Variants in CYLD observed in about 807,000 individuals in gnomAD.
CYLD encodes CYLD lysine 63 deubiquitinase.
Under a neutral mutation model 104.5 loss-of-function variants are expected in CYLD, and 26 were observed. The ratio of observed to expected loss-of-function variants is 0.25; its 90% confidence interval spans 0.18 to 0.35. The LOEUF (loss-of-function observed/expected upper bound fraction) is 0.35. Among genes scored for constraint, CYLD ranks in the 10% least tolerant of loss-of-function variants. CYLD has a pLI of 1.00. For synonymous variants in CYLD, 385 were observed against 399.9 expected, an observed-to-expected ratio of 0.96 and a Z score of 0.45; for missense variants, 703 against 1,136.1, an observed-to-expected ratio of 0.62 and a Z score of 5.48.
intron 5 of CYLD, among the ~76,000 whole-genome samples, chr16:50,756,903 A>G (rs1967309145): frequency 6.6e-6 from 1 of 152,200 alleles, no homozygotes; most frequent in East Asian, 1.9e-4. Context: ...CTGATTAGAA[A>G]GCTGTGCTCT....
chr16:50,790,064 A>G (rs998152477), intron 14 of CYLD, among the ~76,000 whole-genome samples: 1 of 152,210 alleles, frequency 6.6e-6, no homozygotes, highest in African/African-American at 2.4e-5. Flanking sequence ...CCAGAAGGAG[A>G]TACTAGAGAG....
intron 5 of CYLD, among the ~76,000 whole-genome samples, chr16:50,765,621 A>G (rs1429632824): frequency 6.6e-6 from 1 of 152,236 alleles, no homozygotes; most frequent in Non-Finnish European, 1.5e-5. Flanking sequence ...ACCGAGAGAG[A>G]CTGAAAACTA....
At chr16:50,780,813 C>A (rs571526154) in intron 9 of CYLD, among the ~76,000 whole-genome samples, 3 of 152,092 alleles carry the variant, frequency 2.0e-5, no homozygotes, top group Non-Finnish European at 4.4e-5. Context: ...GCCACCACAC[C>A]TGGCCAATTT....
intron 12 of CYLD, chr16:50,785,613 A>T (rs1482303295): frequency 6.6e-6 from 1 of 152,188 alleles, no homozygotes; most frequent in African/African-American, 2.4e-5. Context: ...CCTCCTTCCT[A>T]GAAGAGAGGA....
At chr16:50,768,484 C>T (rs1029209743) in intron 5 of CYLD, among the ~76,000 whole-genome samples, 1 of 152,066 alleles carries the variant, frequency 6.6e-6, no homozygotes, top group African/African-American at 2.4e-5. Context: ...AGTTGAATGG[C>T]TGGGAAGCTT....
intron 5 of CYLD, among the ~76,000 whole-genome samples, chr16:50,760,182 A>C (rs750332423): frequency 6.6e-6 from 1 of 152,202 alleles, no homozygotes; most frequent in Non-Finnish European, 1.5e-5. Flanking sequence ...TGTGCATCTA[A>C]TTAACTAGAG....
chr16:50,743,423 A>G (rs532586738), intron 2 of CYLD, among the ~76,000 whole-genome samples: 1 of 152,326 alleles, frequency 6.6e-6, no homozygotes, highest in East Asian at 1.9e-4. Flanking sequence ...CACCCAGAAC[A>G]TTCTCTAATA....
intron 4 of CYLD, among the ~76,000 whole-genome samples, chr16:50,752,745 C>T (rs1330149485): frequency 6.6e-6 from 1 of 152,178 alleles, no homozygotes; most frequent in Non-Finnish European, 1.5e-5. Context: ...CTAGGCTCCT[C>T]ATAAGAGTGG....
intron 3 of CYLD, among the ~76,000 whole-genome samples, chr16:50,750,689 A>G (rs1408445969): frequency 1.3e-5 from 2 of 152,224 alleles, no homozygotes; most frequent in Non-Finnish European, 2.9e-5. Flanking sequence ...TATTGCAGAC[A>G]TATATATTTT....
In CYLD at chr16:50,796,395, C is replaced by T. The variant is rs1972051206; in HGVS notation, c.2758C>T (p.Leu920=). 6.2e-7 allele frequency: 1 copy of T among 1,614,022 alleles called. No individual in the cohort carries two copies. Among genetic ancestry groups the T allele is most frequent in the African/African-American group, 1.3e-5 (1 of 74,918 alleles). The change falls in exon 19 of 19, where the codon CTG becomes TTG. Residue 920 remains leucine, a synonymous_variant. Coordinates refer to ENST00000427738, the MANE Select transcript of CYLD (RefSeq NM_001378743.1). ...AGTAGGAGAGTACTTGAAGATGTCT[C>T]TGGAAGACCTGCATTCCTTGGACTC... ...PEVGEYLKMS[L]EDLHSLDSRR...
intron 5 of CYLD, among the ~76,000 whole-genome samples, chr16:50,771,863 G>T (rs1055801214): frequency 2.0e-5 from 3 of 151,958 alleles, no homozygotes; most frequent in African/African-American, 7.3e-5. Flanking sequence ...ATTCAGTTGG[G>T]TATATTTATG....
chr16:50,801,602 A>G lies in CYLD; in HGVS notation c.*5094A>G, dbSNP rs1411120044. 2 of 233,622 alleles carry G rather than the reference A, an allele frequency of 8.6e-6. No individual in the cohort carries two copies. The highest frequency in any genetic ancestry group is 1.7e-5 in the Non-Finnish European group (2 of 117,978). 14.5% of individuals were successfully genotyped at this position (233,622 alleles called of 1,614,324 possible). Reference sequence around the variant, plus strand: ...TTTTAGAAAGTCTTAGCATCAGATCATAAACATTCATTAAAAGAACTCACA... The same window carrying G: ...TTTTAGAAAGTCTTAGCATCAGATCGTAAACATTCATTAAAAGAACTCACA... On this transcript the variant is annotated 3_prime_UTR_variant, in exon 19 of 19. Coordinates refer to ENST00000427738, the MANE Select transcript of CYLD (RefSeq NM_001378743.1).
intron 3 of CYLD, among the ~76,000 whole-genome samples, chr16:50,751,014 C>G (rs956373466): frequency 1.3e-5 from 2 of 152,178 alleles, no homozygotes; most frequent in African/African-American, 4.8e-5. Flanking sequence ...TACATTTTGA[C>G]ACTCTTGCCA....
intron 5 of CYLD, among the ~76,000 whole-genome samples, chr16:50,769,484 A>G (rs1215547472): frequency 1.3e-5 from 2 of 152,188 alleles, no homozygotes; most frequent in African/African-American, 4.8e-5. Flanking sequence ...TTGGTTTAGT[A>G]TCTGTGAAAG....
intron 12 of CYLD, chr16:50,784,752 G>A: frequency 3.3e-6 from 1 of 298,818 alleles, no homozygotes; most frequent in Non-Finnish European, 6.4e-6. Flanking sequence ...ATAATACTTA[G>A]GATTCTTATC....
intron 14 of CYLD, among the ~76,000 whole-genome samples, chr16:50,789,397 C>T (rs1226286940): frequency 6.6e-6 from 1 of 152,138 alleles, no homozygotes; most frequent in Non-Finnish European, 1.5e-5. Flanking sequence ...TTCTAGCCTA[C>T]ACACTTATGG....
chr16:50,782,475 A>T lies in CYLD; in HGVS notation c.1826+9A>T, dbSNP rs778282662. Reference sequence around the variant, plus strand: ...GACTCAACCTTATTCTGGTAAGTTTAAAAAGAATGCAATAGGTATAGATAG... The same window carrying T: ...GACTCAACCTTATTCTGGTAAGTTTTAAAAGAATGCAATAGGTATAGATAG... On this transcript the variant is annotated intron_variant, in intron 11 of 18. Transcript: ENST00000427738. 4 of 1,613,812 alleles carry T rather than the reference A, an allele frequency of 2.5e-6. No homozygotes were observed. In the Admixed American group the frequency reaches 6.7e-5, roughly 27 times the overall value.
intron 16 of CYLD, 62 bp from the exon 17 acceptor site, chr16:50,793,484 T>A: frequency 9.0e-7 from 1 of 1,115,262 alleles, no homozygotes; most frequent in Middle Eastern, 2.0e-4. Flanking sequence ...TACATCTTCT[T>A]CATGAAAGAA....
In CYLD at chr16:50,787,823, T is replaced by C. The variant is rs761096681; in HGVS notation, c.2079T>C (p.Ile693=). 6.4e-7 allele frequency: 1 copy of C among 1,556,008 alleles called. No homozygotes were observed. The highest frequency in any genetic ancestry group is 1.1e-5 in the South Asian group (1 of 88,648). The change falls in exon 14 of 19, where the codon ATT becomes ATC. Residue 693 remains isoleucine, a synonymous_variant. Coordinates refer to ENST00000427738, the MANE Select transcript of CYLD (RefSeq NM_001378743.1). ...TCTTGAATATTCTGTTTCATCATAT[T>C]TTAAGGGTAGAACCTTTGCTAAAAA... The part of the protein sequence containing the change: ...EEFLNILFHH[I]LRVEPLLKIR...
Sources: gnomAD v4.1 joint callset for allele counts (sites outside exome capture counted in the v4.1 genomes callset) on GRCh38, gnomAD v4.1.1 for gene constraint, MANE v1.5 for transcripts, NCBI Gene and HGNC (gene_info 2026-07-23, HGNC 2026-07-21) for gene names.